Variants in FRMD4A observed in about 807,000 individuals in gnomAD.
The protein encoded by FRMD4A is FERM domain containing 4A.
In FRMD4A, 29 loss-of-function variants were observed where a neutral mutation model predicts 129.1. That is an observed-to-expected ratio of 0.22 (90% CI 0.17 to 0.31). The LOEUF is 0.31. Among genes scored for constraint, FRMD4A ranks in the 10% least tolerant of loss-of-function variants. The pLI is 1.00. For synonymous variants in FRMD4A, 634 were observed against 571.6 expected (o/e 1.11, Z -1.56); for missense variants, 1,272 against 1,375.8 (o/e 0.92, Z 1.19).
At chr10:14,007,433 C>T (rs1183410355) in intron 2 of FRMD4A, 3 of 152,320 alleles carry the variant, frequency 2.0e-5, no homozygotes, top group African/African-American at 7.2e-5. Context: ...CTTATTATTA[C>T]TTTATAGGAT....
intron 2 of FRMD4A, among the ~76,000 whole-genome samples, chr10:13,939,614 T>C (rs1322625409): frequency 1.3e-5 from 2 of 152,218 alleles, no homozygotes; most frequent in Admixed American, 6.5e-5. Context: ...GTCAATGATA[T>C]AAAAGTATTC....
chr10:13,851,905 T>A (rs2094145221), intron 3 of FRMD4A, among the ~76,000 whole-genome samples: 1 of 142,674 alleles, frequency 7.0e-6, no homozygotes, highest in Non-Finnish European at 1.5e-5. Context: ...TCTCAAAAAT[T>A]AAAAAAAAAA....
At chr10:13,781,962 G>A (rs1287025013) in intron 6 of FRMD4A, among the ~76,000 whole-genome samples, 3 of 152,020 alleles carry the variant, frequency 2.0e-5, no homozygotes, top group Non-Finnish European at 2.9e-5. Context: ...TAAAAATGGC[G>A]GAGACTACAA....
chr10:13,948,361 T>C (rs2095347674), intron 2 of FRMD4A, among the ~76,000 whole-genome samples: 4 of 152,020 alleles, frequency 2.6e-5, no homozygotes. Context: ...CTGAAATCTA[T>C]TTTACATATT....
At chr10:14,008,170 G>C in intron 2 of FRMD4A, 1 of 984,882 alleles carries the variant, frequency 1.0e-6, no homozygotes, top group Non-Finnish European at 1.3e-6. Flanking sequence ...AGCTGTGTGT[G>C]TGTGTGTGTG....
At chr10:14,285,157 A>G (rs1845642869) in intron 2 of FRMD4A, among the ~76,000 whole-genome samples, 2 of 152,322 alleles carry the variant, frequency 1.3e-5, no homozygotes, top group East Asian at 3.9e-4. Context: ...GACTTTTCAT[A>G]TTAGAGTAAG....
chr10:14,030,736 G>C (rs187425912), intron 2 of FRMD4A, among the ~76,000 whole-genome samples: 6 of 152,290 alleles, frequency 3.9e-5, no homozygotes, highest in African/African-American at 1.2e-4. Context: ...ATCAGGCAGT[G>C]GTTCTCAGAA....
At chr10:13,785,322 C>T (rs978418196) in intron 5 of FRMD4A, among the ~76,000 whole-genome samples, 18 of 152,122 alleles carry the variant, frequency 1.2e-4, no homozygotes, top group Non-Finnish European at 5.9e-5. Context: ...GGAGGAATTA[C>T]GCAGTGGTCC....
rs1414387374 is a variant in FRMD4A at position 14,128,011 on chromosome 10, T to TCTTTCTTCCTTC, written c.45+202046_45+202047insGAAGGAAGAAAG. ...CTCTCTCTCTCTCTCTTTCTTTCTTTCTTCCTTCCTTCCTTCCTTCCTTCC... is the reference window on the plus strand; with the variant it reads ...CTCTCTCTCTCTCTCTTTCTTTCTTTCTTTCTTCCTTCCTTCCTTCCTTCCTTCCTTCCTTCC... On this transcript the variant is annotated intron_variant, in intron 2 of 24. Coordinates refer to ENST00000357447, the MANE Select transcript of FRMD4A (RefSeq NM_018027.5). Among the ~76,000 whole-genome samples, 420 of 96,818 alleles carry TCTTTCTTCCTTC rather than the reference T, an allele frequency of 4.3e-3. 27 individuals are homozygous for TCTTTCTTCCTTC. Among genetic ancestry groups the TCTTTCTTCCTTC allele is most frequent in the African/African-American group, 0.018 (386 of 22,050 alleles). The allele number at this position is 96,818 out of a possible 152,430, so 63.5% of individuals were successfully genotyped here. A position where few individuals can be genotyped will look rare whatever the true frequency, so the allele number is the denominator to read the frequency against.
At chr10:13,903,042 G>A (rs2131199681) in intron 2 of FRMD4A, among the ~76,000 whole-genome samples, 1 of 152,092 alleles carries the variant, frequency 6.6e-6, no homozygotes, top group African/African-American at 2.4e-5. Context: ...CTGTGCTCCG[G>A]GCACCCTGTT....
intron 2 of FRMD4A, among the ~76,000 whole-genome samples, chr10:13,997,843 C>T (rs1037071668): frequency 7.9e-5 from 12 of 152,012 alleles, no homozygotes; most frequent in African/African-American, 2.9e-4. Flanking sequence ...CTCAAAACTC[C>T]TGACCTCAAG....
chr10:13,988,682 G>A (rs2095591504), intron 2 of FRMD4A, among the ~76,000 whole-genome samples: 2 of 152,114 alleles, frequency 1.3e-5, no homozygotes, highest in East Asian at 1.9e-4. Flanking sequence ...AGATAGATAG[G>A]TCTCTATAGT....
intron 2 of FRMD4A, among the ~76,000 whole-genome samples, chr10:14,204,402 C>T (rs995787409): frequency 2.6e-5 from 4 of 151,500 alleles, no homozygotes; most frequent in Non-Finnish European, 1.5e-5. Context: ...TACTCCAGCC[C>T]GAATGACAGT....
chr10:14,051,327 T>C (rs1208848453), intron 2 of FRMD4A, among the ~76,000 whole-genome samples: 1 of 152,140 alleles, frequency 6.6e-6, no homozygotes, highest in African/African-American at 2.4e-5. Flanking sequence ...TCCAACCGTA[T>C]CTCTAATGTT....
intron 2 of FRMD4A, among the ~76,000 whole-genome samples, chr10:13,982,562 G>A (rs1264609249): frequency 6.6e-6 from 1 of 151,764 alleles, no homozygotes; most frequent in Admixed American, 6.6e-5. Context: ...CCATTCCAGA[G>A]AGGGTCCTGC....
chr10:13,694,042 G>A lies in FRMD4A; in HGVS notation c.976-3C>T. 3 of 1,505,060 alleles carry A rather than the reference G, an allele frequency of 2.0e-6. No homozygotes were observed. Among genetic ancestry groups the A allele is most frequent in the Non-Finnish European group, 2.7e-6 (3 of 1,128,432 alleles). The allele number at this position is 1,505,060 out of a possible 1,614,324, so 93.2% of individuals were successfully genotyped here. A position where few individuals can be genotyped will look rare whatever the true frequency, so the allele number is the denominator to read the frequency against. ...CTGCGTGCTGCATGGATTTTGGACT[G>A]GAATGGAAAGGGAAGCAGGTCAAAG... On this transcript the variant is annotated splice_polypyrimidine_tract_variant and splice_region_variant and intron_variant, in intron 14 of 24. Coordinates refer to ENST00000357447, the MANE Select transcript of FRMD4A (RefSeq NM_018027.5).
chr10:13,762,499 T>C, intron 7 of FRMD4A, 125 bp downstream of exon 7: 1 of 634,710 alleles, frequency 1.6e-6, no homozygotes, highest in Admixed American at 2.9e-5. Context: ...ATGCAGCTTG[T>C]GGCTAAAAAA....
chr10:13,657,641 GC>G, intron 21 of FRMD4A, 119 bp from the exon 22 acceptor site: 1 of 1,368,568 alleles, frequency 7.3e-7, no homozygotes, highest in Non-Finnish European at 9.6e-7. Context: ...GCAGGCCCCA[GC>G]CCAGCAAGCC....
intron 15 of FRMD4A, among the ~76,000 whole-genome samples, chr10:13,690,261 A>G (rs1383354864): frequency 6.6e-6 from 1 of 152,224 alleles, no homozygotes; most frequent in African/African-American, 2.4e-5. Flanking sequence ...AGGGATGGAG[A>G]TGAGCCAGCC....
Sources: gnomAD v4.1 joint callset for allele counts (sites outside exome capture counted in the v4.1 genomes callset) on GRCh38, gnomAD v4.1.1 for gene constraint, MANE v1.5 for transcripts, NCBI Gene and HGNC (gene_info 2026-07-23, HGNC 2026-07-21) for gene names.